The following ADGB variants were observed in gnomAD, a reference collection of about 807,000 sequenced individuals.
ADGB encodes androglobin, also known as calpain-7-like protein.
Under a neutral mutation model 210.5 loss-of-function variants are expected in ADGB, and 172 were observed. That is an observed-to-expected ratio of 0.82 (90% CI 0.72 to 0.93). The LOEUF (loss-of-function observed/expected upper bound fraction) is 0.93. ADGB is among the 40% of genes least tolerant of loss of function. The pLI, the probability that ADGB is intolerant of heterozygous loss-of-function variation, is 0.00. For missense variants in ADGB, 2,025 were observed against 1,964.8 expected, an observed-to-expected ratio of 1.03 and a Z score of -0.58; for synonymous variants, 658 against 662.7, an observed-to-expected ratio of 0.99 and a Z score of 0.11.
intron 29 of ADGB, chr6:146,770,370 A>G (rs1777632623): frequency 4.5e-6 from 1 of 223,356 alleles, no homozygotes; most frequent in Non-Finnish European, 9.6e-6. Context: ...AAGCTATAAA[A>G]ATGTATGACA....
intron 31 of ADGB, among the ~76,000 whole-genome samples, chr6:146,785,303 C>T (rs1028993125): frequency 2.0e-5 from 3 of 152,084 alleles, no homozygotes; most frequent in Non-Finnish European, 4.4e-5. Context: ...CTTCATGTCA[C>T]AACTCAGGGT....
At chr6:146,624,571 G>GA (rs1250346073) in intron 1 of ADGB, among the ~76,000 whole-genome samples, 3 of 151,668 alleles carry the variant, frequency 2.0e-5, no homozygotes, top group Admixed American at 6.6e-5. Flanking sequence ...TATTTTTAGA[G>GA]AAAAAATGTT....
rs547867602 is a variant in ADGB at position 146,724,490 on chromosome 6, A to G, written c.2237+163A>G. On this transcript the variant is annotated intron_variant, in intron 18 of 35. Transcript: ENST00000397944. ...TTATTCTTGAGAAAAATATTTCCAA[A>G]AAACTACATTGAGAAATACTGTACA... The G allele has an allele frequency of 4.7e-6, 3 of 631,590 alleles. No individual in the cohort carries two copies. The South Asian group carries it at 1.1e-4, about 23-fold the overall frequency. 39.1% of individuals were successfully genotyped at this position (631,590 alleles called of 1,614,324 possible). A position where few individuals can be genotyped will look rare whatever the true frequency, so the allele number is the denominator to read the frequency against.
chr6:146,743,663 C>T (rs747471899), intron 25 of ADGB, among the ~76,000 whole-genome samples: 1 of 152,188 alleles, frequency 6.6e-6, no homozygotes, highest in Non-Finnish European at 1.5e-5. Context: ...CCCATAATCC[C>T]AGCACTTTGG....
chr6:146,643,362 G>GT (rs1487957617), intron 2 of ADGB, among the ~76,000 whole-genome samples: 1 of 151,828 alleles, frequency 6.6e-6, no homozygotes, highest in Non-Finnish European at 1.5e-5. Context: ...TCACAAAACA[G>GT]TATTTATTTC....
intron 13 of ADGB, among the ~76,000 whole-genome samples, chr6:146,709,020 T>C (rs1002000293): frequency 6.6e-6 from 1 of 152,186 alleles, no homozygotes; most frequent in African/African-American, 2.4e-5. Context: ...TTTAATTTCA[T>C]TTCATTCATT....
intron 1 of ADGB, among the ~76,000 whole-genome samples, chr6:146,620,705 AT>A (rs1449814956): frequency 3.3e-5 from 5 of 151,748 alleles, no homozygotes; most frequent in Admixed American, 2.6e-4. Flanking sequence ...TCCAAATTTT[AT>A]TTAGTTTTCT....
intron 29 of ADGB, among the ~76,000 whole-genome samples, chr6:146,781,062 T>A (rs1403326422): frequency 6.6e-6 from 1 of 150,690 alleles, no homozygotes; most frequent in East Asian, 2.0e-4. Flanking sequence ...GCGCGGTAGC[T>A]CACGCCTGTA....
At position 146,724,218 on chromosome 6, in the gene ADGB, G is replaced by T. The variant is rs774509614; in HGVS notation, c.2128G>T (p.Gly710Ter). 6.4e-7 allele frequency: 1 copy of T among 1,550,966 alleles called. No homozygotes were observed. Residue 710 changes from glycine to a stop codon, truncating the protein, a stop_gained, in exon 18 of 36, where the codon GGA becomes TGA. Coordinates refer to ENST00000397944, the MANE Select transcript of ADGB (RefSeq NM_024694.4). LOFTEE classifies it high-confidence loss of function. The part of the protein sequence containing the change: ...LTKDSPPIEP[G>*]LLTAETFSWK... ...AAAAGACAGTCCTCCCATAGAGCCT[G>T]GACTTCTCACAGCTGAAACGTTTTC...
chr6:146,799,832 CAGAG>C (rs1321380953), intron 33 of ADGB, among the ~76,000 whole-genome samples: 5 of 151,968 alleles, frequency 3.3e-5, no homozygotes, highest in Non-Finnish European at 7.4e-5. Flanking sequence ...TTTTCTGAGA[CAGAG>C]TCTCACTCTG....
At chr6:146,693,675 G>C (rs1776362807) in intron 12 of ADGB, among the ~76,000 whole-genome samples, 1 of 152,016 alleles carries the variant, frequency 6.6e-6, no homozygotes. Context: ...TCCCAATATG[G>C]ATAGGCTGAG....
At chr6:146,762,650 T>C (rs1292587709) in intron 27 of ADGB, among the ~76,000 whole-genome samples, 7 of 152,128 alleles carry the variant, frequency 4.6e-5, no homozygotes, top group African/African-American at 1.7e-4. Flanking sequence ...GAGTGTTGAA[T>C]CTTGTTCTGG....
chr6:146,757,711 ATTT>A (rs1440833161), intron 27 of ADGB, among the ~76,000 whole-genome samples: 1 of 151,746 alleles, frequency 6.6e-6, no homozygotes, highest in Non-Finnish European at 1.5e-5. Context: ...TAAAATTTAA[ATTT>A]TTTACTTTAA....
chr6:146,738,867 C>G (rs746941815), intron 23 of ADGB, among the ~76,000 whole-genome samples: 1 of 152,280 alleles, frequency 6.6e-6, no homozygotes, highest in East Asian at 1.9e-4. Flanking sequence ...ATAGGAAAAT[C>G]TGTGGGTGAG....
intron 1 of ADGB, among the ~76,000 whole-genome samples, chr6:146,624,810 CT>C (rs1395550407): frequency 6.6e-6 from 1 of 151,710 alleles, no homozygotes; most frequent in Non-Finnish European, 1.5e-5. Flanking sequence ...TGTTTTCTAA[CT>C]TTTTATATCT....
intron 26 of ADGB, among the ~76,000 whole-genome samples, chr6:146,751,701 T>C (rs1187086507): frequency 6.6e-6 from 1 of 152,110 alleles, no homozygotes; most frequent in Non-Finnish European, 1.5e-5. Context: ...CTCATTGTGG[T>C]TTTGATTCAC....
rs1036871583 is a variant in ADGB at position 146,712,899 on chromosome 6, A to G, written c.1708-2483A>G. On this transcript the variant is annotated intron_variant, in intron 13 of 35. Coordinates refer to ENST00000397944, the MANE Select transcript of ADGB (RefSeq NM_024694.4). ...AAGTAAAACTCTATATGCATTTAAAAGCTTCTGATTCTCCCCTCCCCCCAG... is the reference window on the plus strand; with the variant it reads ...AAGTAAAACTCTATATGCATTTAAAGGCTTCTGATTCTCCCCTCCCCCCAG... Among the ~76,000 whole-genome samples the G allele has an allele frequency of 4.6e-5, 7 of 152,178 alleles. 1 individual carries two copies. In the South Asian group the frequency reaches 6.2e-4, roughly 14 times the overall value.
chr6:146,782,275 A>G (rs1315001652), intron 30 of ADGB, 83 bp downstream of exon 30: 1 of 1,290,630 alleles, frequency 7.7e-7, no homozygotes, highest in African/African-American at 1.5e-5. Flanking sequence ...GTCTGAGGAC[A>G]AAACCGTGAA....
Position 146,721,486 on chromosome 6 carries a change from A to G in ADGB, c.2076A>G (p.Val692=). The change falls in exon 17 of 36, where the codon GTA becomes GTG. Residue 692 remains valine, a synonymous_variant. Coordinates refer to ENST00000397944, the MANE Select transcript of ADGB (RefSeq NM_024694.4). ...IELLVCFSAL[V]RWGEYGALTK... ...TACTGGTTTGCTTTTCTGCATTGGTACGCTGGGGGGAGTATGGAGGTAAGA... is the reference window on the plus strand; with the variant it reads ...TACTGGTTTGCTTTTCTGCATTGGTGCGCTGGGGGGAGTATGGAGGTAAGA... The G allele has an allele frequency of 1.3e-5, 20 of 1,548,534 alleles. No homozygotes were observed. Among genetic ancestry groups the G allele is most frequent in the Non-Finnish European group, 1.7e-5 (19 of 1,144,170 alleles).
Sources: gnomAD v4.1 joint callset for allele counts (sites outside exome capture counted in the v4.1 genomes callset) on GRCh38, gnomAD v4.1.1 for gene constraint, MANE v1.5 for transcripts, NCBI Gene and HGNC (gene_info 2026-07-23, HGNC 2026-07-21) for gene names.